TLL2: variants seen among roughly 807,000 people sequenced by gnomAD.
TLL2 encodes tolloid-like protein 2.
TLL2 carries 106 observed loss-of-function variants against 123.0 expected under a neutral mutation model. The observed-to-expected ratio is 0.86, with a 90% confidence interval of 0.74 to 1.01. The LOEUF (loss-of-function observed/expected upper bound fraction) is 1.01. Among genes scored for constraint, TLL2 ranks in the 50% least tolerant of loss-of-function variants. The probability of loss-of-function intolerance (pLI) is 0.00; values close to 1 mark genes in which losing one functional copy is unlikely to be tolerated. For missense variants in TLL2, 1,332 were observed against 1,336.7 expected, an observed-to-expected ratio of 1.00 and a Z score of 0.06; for synonymous variants, 494 against 516.8, an observed-to-expected ratio of 0.96 and a Z score of 0.60.
intron 10 of TLL2, among the ~76,000 whole-genome samples, chr10:96,402,830 C>T (rs1315595874): frequency 6.6e-6 from 1 of 152,206 alleles, no homozygotes; most frequent in Non-Finnish European, 1.5e-5. Flanking sequence ...CTCTTCTGAC[C>T]TACCTCAGCC....
chr10:96,410,323 G>T, intron 9 of TLL2, 36 bp downstream of exon 9: 1 of 1,515,572 alleles, frequency 6.6e-7, no homozygotes, highest in Non-Finnish European at 9.1e-7. Context: ...AACTCAAGGA[G>T]TGCCGTCCCA....
chr10:96,486,136 A>G (rs1847353916), intron 1 of TLL2, among the ~76,000 whole-genome samples: 1 of 152,218 alleles, frequency 6.6e-6, no homozygotes, highest in African/African-American at 2.4e-5. Context: ...ATTTTTCACG[A>G]TAAGTTTAAA....
chr10:96,482,032 C>A (rs1247990583), intron 1 of TLL2, among the ~76,000 whole-genome samples: 1 of 152,018 alleles, frequency 6.6e-6, no homozygotes, highest in Non-Finnish European at 1.5e-5. Context: ...CTGAGGCAGG[C>A]GGATCACGAG....
chr10:96,386,609 G>A (rs1846236414), intron 14 of TLL2, among the ~76,000 whole-genome samples: 1 of 152,212 alleles, frequency 6.6e-6, no homozygotes, highest in African/African-American at 2.4e-5. Context: ...GTAGAAATAG[G>A]ATGGATGAAA....
intron 10 of TLL2, among the ~76,000 whole-genome samples, chr10:96,403,719 A>T (rs1409748711): frequency 6.6e-6 from 1 of 152,150 alleles, no homozygotes; most frequent in African/African-American, 2.4e-5. Context: ...GATTAGTAAA[A>T]GAGGAAAGCC....
chr10:96,442,690 T>G (rs534489908), intron 3 of TLL2, among the ~76,000 whole-genome samples: 47 of 152,354 alleles, frequency 3.1e-4, no homozygotes, highest in Non-Finnish European at 4.9e-4. Flanking sequence ...GATTTTTTGT[T>G]GCAGTGTGGG....
chr10:96,443,696 T>C (rs1589423885), intron 3 of TLL2, among the ~76,000 whole-genome samples: 1 of 152,320 alleles, frequency 6.6e-6, no homozygotes, highest in East Asian at 1.9e-4. Context: ...GTCACTGCAG[T>C]GTGATGACAA....
chr10:96,506,813 G>A (rs1298304964), intron 1 of TLL2, among the ~76,000 whole-genome samples: 5 of 152,080 alleles, frequency 3.3e-5, no homozygotes, highest in African/African-American at 9.7e-5. Context: ...ACTACTGGGC[G>A]GGAGAGAAAA....
chr10:96,412,488 C>A lies in TLL2; in HGVS notation c.1048+704G>T, dbSNP rs1846516295. On this transcript the variant is annotated intron_variant, in intron 8 of 20. Coordinates refer to ENST00000357947, the MANE Select transcript of TLL2 (RefSeq NM_012465.4). ...AAGAGCTGAAAGGGGTCTAGAAGAGCTCAGACGGTGTGTGTATGATGATGA... is the reference window on the plus strand; with the variant it reads ...AAGAGCTGAAAGGGGTCTAGAAGAGATCAGACGGTGTGTGTATGATGATGA... 1.3e-5 allele frequency among the ~76,000 whole-genome samples: 2 copies of A among 152,204 alleles called. 1 individual carries two copies. The highest frequency in any genetic ancestry group is 2.9e-5 in the Non-Finnish European group (2 of 68,040).
At chr10:96,477,250 C>A (rs2134102647) in intron 2 of TLL2, among the ~76,000 whole-genome samples, 1 of 151,810 alleles carries the variant, frequency 6.6e-6, no homozygotes, top group Admixed American at 6.6e-5. Flanking sequence ...GAAGAAACAC[C>A]AAGTATGATA....
chr10:96,463,507 T>C (rs1296668376), intron 2 of TLL2, among the ~76,000 whole-genome samples: 1 of 152,212 alleles, frequency 6.6e-6, no homozygotes, highest in African/African-American at 2.4e-5. Context: ...CTCCATGTCC[T>C]CTGCTGTGAA....
At position 96,368,134 on chromosome 10, in the gene TLL2, C is replaced by T. The variant is rs1463594596; in HGVS notation, c.3002G>A (p.Arg1001Gln). Residue 1001 changes from arginine to glutamine, a missense_variant, in exon 21 of 21, where the codon CGA (arginine) becomes CAA (glutamine). Coordinates refer to ENST00000357947, the MANE Select transcript of TLL2 (RefSeq NM_012465.4). ...ATCCTGGAACTTGGTGCTGGTGTAT[C>T]GGGCATGAAAGCCTTTCTTGTTGAT... is the stretch of plus-strand genomic sequence containing the variant. Reference protein sequence around the residue: ...DTINKKGFHARYTSTKFQDAL... With the variant: ...DTINKKGFHAQYTSTKFQDAL... 15 of 1,614,092 alleles carry T rather than the reference C, an allele frequency of 9.3e-6. No individual in the cohort carries two copies. Among genetic ancestry groups the T allele is most frequent in the African/African-American group, 2.7e-5 (2 of 74,934 alleles).
intron 10 of TLL2, among the ~76,000 whole-genome samples, chr10:96,399,362 G>A (rs985604498): frequency 2.6e-5 from 4 of 152,280 alleles, no homozygotes; most frequent in African/African-American, 9.6e-5. Context: ...GACAAACCAC[G>A]TGAGGCTATG....
chr10:96,506,256 AAAAAAAAAAG>A lies in TLL2; in HGVS notation c.175+7245_175+7254del, dbSNP rs1391678602. Among the ~76,000 whole-genome samples, 33 of 134,162 alleles carry A rather than the reference AAAAAAAAAAG, an allele frequency of 2.5e-4. 1 individual carries two copies. The highest frequency in any genetic ancestry group is 5.1e-4 in the African/African-American group (18 of 35,348). The allele number at this position is 134,162 out of a possible 152,430, so 88.0% of individuals were successfully genotyped here. A position where few individuals can be genotyped will look rare whatever the true frequency, so the allele number is the denominator to read the frequency against. The stretch of plus-strand genomic sequence containing the variant: ...GACAGAGCGAGACCCCATCTCAAAA[AAAAAAAAAAG>A]AAAAAAAAAAAAGAAAAAAGGAAAG... On this transcript the variant is annotated intron_variant, in intron 1 of 20. Transcript: ENST00000357947.
rs1846684069 is a variant in TLL2 at position 96,426,961 on chromosome 10, T to C, written c.638+1670A>G. 2.0e-5 allele frequency among the ~76,000 whole-genome samples: 3 copies of C among 152,194 alleles called. No homozygotes were observed. In the South Asian group the frequency reaches 6.2e-4, roughly 31 times the overall value. On this transcript the variant is annotated intron_variant, in intron 5 of 20. Coordinates refer to ENST00000357947, the MANE Select transcript of TLL2 (RefSeq NM_012465.4). ...TAGCTTCTTTGAATTGAATATTTCA[T>C]TGTCACTATTGTCAACGGGTGATGT...
intron 2 of TLL2, among the ~76,000 whole-genome samples, chr10:96,448,505 G>C (rs1338068606): frequency 6.6e-6 from 1 of 152,178 alleles, no homozygotes. Flanking sequence ...TAATGGGTTT[G>C]TTTGGGCATT....
chr10:96,483,021 T>C (rs974930334), intron 1 of TLL2, among the ~76,000 whole-genome samples: 2 of 152,180 alleles, frequency 1.3e-5, no homozygotes, highest in African/African-American at 2.4e-5. Flanking sequence ...AAAATAACTG[T>C]ATGTGGCTAT....
chr10:96,437,603 T>C (rs1846809431), intron 3 of TLL2, among the ~76,000 whole-genome samples: 1 of 152,210 alleles, frequency 6.6e-6, no homozygotes, highest in Non-Finnish European at 1.5e-5. Context: ...TCTGTTTCCA[T>C]TTCTAAAATT....
intron 4 of TLL2, among the ~76,000 whole-genome samples, chr10:96,430,831 G>A (rs1167649644): frequency 2.0e-5 from 3 of 152,096 alleles, no homozygotes; most frequent in African/African-American, 7.2e-5. Context: ...GCAGTGAGAC[G>A]TGATCATGCC....
Sources: allele counts gnomAD v4.1 joint callset (sites outside exome capture counted in the v4.1 genomes callset), GRCh38; gene constraint gnomAD v4.1.1; transcripts MANE v1.5; gene names NCBI Gene and HGNC (gene_info 2026-07-23, HGNC 2026-07-21).